KIF16B: variants seen among roughly 807,000 people sequenced by gnomAD.
The protein encoded by KIF16B is kinesin-like protein KIF16B.
In KIF16B, 98 loss-of-function variants were observed where a neutral mutation model predicts 156.3. The ratio of observed to expected loss-of-function variants is 0.63; its 90% CI spans 0.53 to 0.74. The LOEUF (loss-of-function observed/expected upper bound fraction) is 0.74, where lower values mean the gene tolerates loss of function less well. Among genes scored for constraint, KIF16B ranks in the 30% least tolerant of loss-of-function variants. The pLI is 0.00. For synonymous variants in KIF16B, 564 were observed against 583.7 expected (o/e 0.97, Z 0.49); for missense variants, 1,421 against 1,606.5 (o/e 0.88, Z 1.97).
chr20:16,367,920 C>G lies in KIF16B; in HGVS notation c.3498+2666G>C, dbSNP rs900702778. On this transcript the variant is annotated intron_variant, in intron 22 of 25. Transcript: ENST00000354981. ...GAACACTCTGTCCACCAAAGCCAAT[C>G]TGAATCTCCTGTAGACCAGAGAGAG... The G allele has an allele frequency of 1.8e-5, 27 of 1,466,598 alleles. No homozygotes were observed. The Admixed American group carries it at 3.5e-4, about 19-fold the overall frequency. The allele number at this position is 1,466,598 out of a possible 1,614,324, so 90.8% of individuals were successfully genotyped here. A position where few individuals can be genotyped will look rare whatever the true frequency, so the allele number is the denominator to read the frequency against.
At chr20:16,366,671 C>T (rs4814478) in intron 22 of KIF16B, among the ~76,000 whole-genome samples, 96,049 of 151,966 alleles carry the variant, frequency 0.63, 30,816 homozygotes, top group East Asian at 0.97. Flanking sequence ...AAGCTTGATG[C>T]ATCACTAATG....
intron 12 of KIF16B, among the ~76,000 whole-genome samples, chr20:16,476,384 C>T (rs939603325): frequency 6.6e-6 from 1 of 152,164 alleles, no homozygotes; most frequent in East Asian, 1.9e-4. Context: ...GTGAAGAAAT[C>T]ATTTTGTTCT....
At chr20:16,513,659 TAAAAAAAA>T (rs10713040) in intron 4 of KIF16B, among the ~76,000 whole-genome samples, 3 of 112,722 alleles carry the variant, frequency 2.7e-5, no homozygotes, top group Non-Finnish European at 3.6e-5. Flanking sequence ...AAACTACGTT[TAAAAAAAA>T]AAAAAAAAAA....
intron 12 of KIF16B, among the ~76,000 whole-genome samples, chr20:16,450,008 T>G (rs1000416490): frequency 2.0e-5 from 3 of 152,220 alleles, no homozygotes; most frequent in Non-Finnish European, 2.9e-5. Context: ...AAATGCTTGC[T>G]TTCAGAAAGC....
At chr20:16,396,725 T>A (rs2065514463) in intron 17 of KIF16B, among the ~76,000 whole-genome samples, 1 of 149,656 alleles carries the variant, frequency 6.7e-6, no homozygotes, top group Non-Finnish European at 1.5e-5. Flanking sequence ...CATTTAAGTA[T>A]CACTCATTCG....
At chr20:16,548,845 C>T (rs2070515265) in intron 1 of KIF16B, among the ~76,000 whole-genome samples, 1 of 152,114 alleles carries the variant, frequency 6.6e-6, no homozygotes, top group Non-Finnish European at 1.5e-5. Flanking sequence ...AAGTGAGATG[C>T]AAGGCTGCTT....
At chr20:16,300,792 C>T (rs1030888695) in intron 25 of KIF16B, among the ~76,000 whole-genome samples, 54 of 152,180 alleles carry the variant, frequency 3.5e-4, no homozygotes, top group Non-Finnish European at 1.3e-4. Context: ...AAATCCCACA[C>T]CAGAGTGGCA....
chr20:16,453,089 G>A (rs191181189), intron 12 of KIF16B, among the ~76,000 whole-genome samples: 197 of 147,192 alleles, frequency 1.3e-3, no homozygotes, highest in African/African-American at 4.8e-3. Flanking sequence ...GCAACATAGT[G>A]AGACCCTATC....
intron 5 of KIF16B, among the ~76,000 whole-genome samples, chr20:16,511,729 G>T (rs1010061304): frequency 6.6e-6 from 1 of 152,154 alleles, no homozygotes; most frequent in African/African-American, 2.4e-5. Context: ...TAAGGGAAAG[G>T]ACATACAGTG....
intron 17 of KIF16B, among the ~76,000 whole-genome samples, chr20:16,398,377 GGC>G (rs1486155531): frequency 7.9e-5 from 12 of 152,168 alleles, no homozygotes; most frequent in Admixed American, 7.2e-4. Flanking sequence ...GGTACTGAGG[GGC>G]CAGGCCAGAA....
intron 23 of KIF16B, among the ~76,000 whole-genome samples, chr20:16,342,567 T>C (rs1003892754): frequency 1.4e-4 from 21 of 152,158 alleles, no homozygotes; most frequent in African/African-American, 5.1e-4. Context: ...ATTGAATTAG[T>C]TACAATAGTA....
At chr20:16,450,957 G>A (rs569448852) in intron 12 of KIF16B, among the ~76,000 whole-genome samples, 1 of 152,310 alleles carries the variant, frequency 6.6e-6, no homozygotes, top group South Asian at 2.1e-4. Flanking sequence ...TAAGTGACAG[G>A]TGATGTGAGT....
intron 12 of KIF16B, among the ~76,000 whole-genome samples, chr20:16,477,362 C>G (rs189106537): frequency 7.7e-4 from 117 of 151,514 alleles, no homozygotes; most frequent in African/African-American, 2.7e-3. Flanking sequence ...TGCCACAGTA[C>G]TCTGAGGAGA....
At chr20:16,312,504 CCATGGGGTGA>C in intron 24 of KIF16B, 86 bp from the exon 25 acceptor site, 1 of 1,023,960 alleles carries the variant, frequency 9.8e-7, no homozygotes, top group Non-Finnish European at 1.5e-6. Flanking sequence ...GAAATCTCTT[CCATGGGGTGA>C]AAAGAAAGAG....
intron 1 of KIF16B, among the ~76,000 whole-genome samples, chr20:16,557,751 C>A (rs2070903832): frequency 6.6e-6 from 1 of 152,174 alleles, no homozygotes; most frequent in African/African-American, 2.4e-5. Flanking sequence ...GAGAGAGTAT[C>A]TGTTTGGCCT....
chr20:16,320,826 T>A (rs2063762466), intron 24 of KIF16B, among the ~76,000 whole-genome samples: 1 of 152,198 alleles, frequency 6.6e-6, no homozygotes. Flanking sequence ...GAAGAGTCAC[T>A]TAGTAATTTA....
At chr20:16,501,541 C>T (rs994645464) in intron 10 of KIF16B, among the ~76,000 whole-genome samples, 2 of 151,880 alleles carry the variant, frequency 1.3e-5, no homozygotes, top group Non-Finnish European at 2.9e-5. Context: ...TCACTAAAAA[C>T]ATCTAGAGGA....
At chr20:16,377,585 C>T (rs1011947918) in intron 19 of KIF16B, among the ~76,000 whole-genome samples, 2 of 151,862 alleles carry the variant, frequency 1.3e-5, no homozygotes, top group Admixed American at 6.6e-5. Flanking sequence ...CCTGTGATCT[C>T]ATCCATCCTC....
chr20:16,343,770 C>T (rs979340257), intron 23 of KIF16B, among the ~76,000 whole-genome samples: 1 of 152,102 alleles, frequency 6.6e-6, no homozygotes, highest in African/African-American at 2.4e-5. Flanking sequence ...TTTATACTCT[C>T]CCAGCTGGTG....
Sources: gnomAD v4.1 joint callset for allele counts (sites outside exome capture counted in the v4.1 genomes callset) on GRCh38, gnomAD v4.1.1 for gene constraint, MANE v1.5 for transcripts, NCBI Gene and HGNC (gene_info 2026-07-23, HGNC 2026-07-21) for gene names.